Variants in CPLX1 observed in about 807,000 individuals in gnomAD.
CPLX1 encodes the protein complexin 1.
In CPLX1, 6 loss-of-function variants were observed where a neutral mutation model predicts 15.6. The ratio of observed to expected loss-of-function variants is 0.39; its 90% confidence interval spans 0.21 to 0.76. The LOEUF is 0.76. Among genes scored for constraint, CPLX1 ranks in the 30% least tolerant of loss-of-function variants. The probability of loss-of-function intolerance (pLI) is 0.43; values close to 1 mark genes in which losing one functional copy is unlikely to be tolerated. For synonymous variants in CPLX1, 91 were observed against 75.2 expected (o/e 1.21, Z -1.08); for missense variants, 242 against 188.6 (o/e 1.28, Z -1.66).
intron 2 of CPLX1, among the ~76,000 whole-genome samples, chr4:796,884 G>C (rs1485391348): frequency 1.3e-5 from 2 of 152,196 alleles, no homozygotes; most frequent in Non-Finnish European, 2.9e-5. Context: ...TACCAAGACA[G>C]AATGATGATG....
intron 2 of CPLX1, among the ~76,000 whole-genome samples, chr4:808,319 C>T (rs543647607): frequency 9.2e-5 from 14 of 152,072 alleles, no homozygotes; most frequent in Admixed American, 5.2e-4. Flanking sequence ...TAACAACAAA[C>T]GAGTTGGAAA....
intron 3 of CPLX1, 34 bp downstream of exon 3, chr4:792,399 G>T: frequency 1.3e-6 from 2 of 1,492,128 alleles, no homozygotes; most frequent in Non-Finnish European, 8.9e-7. Flanking sequence ...ACTCAGGGCC[G>T]CCTTCCCGCA....
chr4:822,495 C>G (rs902463372), intron 2 of CPLX1, among the ~76,000 whole-genome samples: 1 of 152,128 alleles, frequency 6.6e-6, no homozygotes, highest in African/African-American at 2.4e-5. Context: ...CTGAATAACA[C>G]ATTCTTGTCT....
intron 2 of CPLX1, among the ~76,000 whole-genome samples, chr4:802,112 T>C (rs868754509): frequency 1.3e-5 from 2 of 152,192 alleles, no homozygotes; most frequent in Admixed American, 6.5e-5. Context: ...GGAATGTTCA[T>C]GGTAGTTTCA....
At chr4:820,645 G>T (rs560277387) in intron 2 of CPLX1, among the ~76,000 whole-genome samples, 89 of 152,236 alleles carry the variant, frequency 5.8e-4, no homozygotes, top group Non-Finnish European at 1.0e-3. Context: ...GCTGGTGTTG[G>T]CTGCATTGTG....
intron 2 of CPLX1, among the ~76,000 whole-genome samples, chr4:817,053 G>A (rs568690659): frequency 7.2e-5 from 11 of 152,132 alleles, no homozygotes; most frequent in African/African-American, 1.9e-4. Flanking sequence ...GCAAGAAAGC[G>A]TTTAAAAAGG....
At chr4:809,277 G>A (rs1421521071) in intron 2 of CPLX1, among the ~76,000 whole-genome samples, 2 of 152,202 alleles carry the variant, frequency 1.3e-5, no homozygotes, top group Non-Finnish European at 2.9e-5. Flanking sequence ...GACTCCCCAA[G>A]GCCCCTTCAG....
intron 2 of CPLX1, among the ~76,000 whole-genome samples, chr4:809,422 C>T (rs971347793): frequency 1.3e-5 from 2 of 151,436 alleles, no homozygotes. Flanking sequence ...GGCTGCTGAG[C>T]CTCTGCCCTG....
intron 2 of CPLX1, among the ~76,000 whole-genome samples, chr4:810,047 C>CTTTTTT (rs34354609): frequency 5.0e-5 from 6 of 120,326 alleles, no homozygotes; most frequent in East Asian, 2.4e-4. Flanking sequence ...TCTGCACTTT[C>CTTTTTT]TTTTTTTTTT....
chr4:822,510 CTCTG>C (rs761310602), intron 2 of CPLX1, among the ~76,000 whole-genome samples: 34 of 152,194 alleles, frequency 2.2e-4, no homozygotes, highest in Non-Finnish European at 3.8e-4. Flanking sequence ...TTGTCTTTTT[CTCTG>C]TCTGTTTCTG....
At chr4:820,163 GCTCAGCCCAGCCTGCAGCTCCACC>G (rs1401835277) in intron 2 of CPLX1, among the ~76,000 whole-genome samples, 6 of 151,836 alleles carry the variant, frequency 4.0e-5, no homozygotes, top group South Asian at 4.2e-4. Flanking sequence ...CCCGGACCCA[GCTCAGCCCAGCCTGCAGCTCCACC>G]GTCCTCCCGG....
At chr4:809,354 G>A (rs1289827095) in intron 2 of CPLX1, among the ~76,000 whole-genome samples, 1 of 152,190 alleles carries the variant, frequency 6.6e-6, no homozygotes, top group Non-Finnish European at 1.5e-5. Context: ...CCCAGAAAGG[G>A]GCCCTATGGC....
At chr4:821,099 C>G (rs116230898) in intron 2 of CPLX1, among the ~76,000 whole-genome samples, 28 of 152,322 alleles carry the variant, frequency 1.8e-4, no homozygotes, top group Non-Finnish European at 3.7e-4. Flanking sequence ...ACACAGAACC[C>G]AACAGCGTAC....
intron 2 of CPLX1, among the ~76,000 whole-genome samples, chr4:811,014 A>G (rs998024134): frequency 4.7e-5 from 7 of 150,142 alleles, no homozygotes; most frequent in Non-Finnish European, 1.0e-4. Context: ...TCCCTTTTTT[A>G]TAAGAGGTGG....
intron 3 of CPLX1, among the ~76,000 whole-genome samples, chr4:790,723 C>T (rs1746143622): frequency 1.3e-5 from 2 of 152,088 alleles, no homozygotes; most frequent in African/African-American, 4.8e-5. Context: ...CACACATAGC[C>T]CTCCCAGACC....
chr4:792,659 G>A (rs1746219714), intron 2 of CPLX1, 51 bp from the exon 3 acceptor site: 12 of 1,556,840 alleles, frequency 7.7e-6, no homozygotes, highest in Non-Finnish European at 1.0e-5. Context: ...GTCCAGGGCC[G>A]GGCTAGTGTC....
intron 2 of CPLX1, among the ~76,000 whole-genome samples, chr4:818,196 C>T (rs1196190324): frequency 6.6e-6 from 1 of 152,252 alleles, no homozygotes. Context: ...CCTGGTTCGC[C>T]CCAGCCCTTG....
At chr4:805,769 C>T (rs1253625977) in intron 2 of CPLX1, among the ~76,000 whole-genome samples, 1 of 152,142 alleles carries the variant, frequency 6.6e-6, no homozygotes, top group Non-Finnish European at 1.5e-5. Context: ...ATTATGCAGC[C>T]TTAAAAAGGA....
At chr4:808,632 T>C (rs1464980701) in intron 2 of CPLX1, among the ~76,000 whole-genome samples, 1 of 152,140 alleles carries the variant, frequency 6.6e-6, no homozygotes. Context: ...AAAACAGGCA[T>C]CAGGCAGCTG....
Sources: gnomAD v4.1 joint callset for allele counts (sites outside exome capture counted in the v4.1 genomes callset) on GRCh38, gnomAD v4.1.1 for gene constraint, MANE v1.5 for transcripts, NCBI Gene and HGNC (gene_info 2026-07-23, HGNC 2026-07-21) for gene names.